The following LRCH2 variants were observed in gnomAD, a reference collection of about 807,000 sequenced individuals.
The protein encoded by LRCH2 is leucine rich repeats and calponin homology domain containing 2.
LRCH2 carries 38 observed loss-of-function variants against 68.9 expected under a neutral mutation model. The observed-to-expected ratio is 0.55, with a 90% CI of 0.43 to 0.72. The LOEUF (loss-of-function observed/expected upper bound fraction) is 0.72. Among genes scored for constraint, LRCH2 ranks in the 30% least tolerant of loss-of-function variants. The pLI is 0.00. For synonymous variants in LRCH2, 191 were observed against 208.1 expected (o/e 0.92, Z 0.71); for missense variants, 528 against 572.9 (o/e 0.92, Z 0.80).
At chrX:115,179,805 T>TTA (rs1224828437) in intron 3 of LRCH2, 54 bp from the exon 4 acceptor site, 71 of 499,505 alleles carry the variant, frequency 1.4e-4, no homozygotes, top group East Asian at 2.3e-4. Flanking sequence ...AATACATATA[T>TTA]TATATATATA....
chrX:115,187,426 A>G (rs1179992502), intron 2 of LRCH2, among the ~76,000 whole-genome samples: 1 of 112,175 alleles, frequency 8.9e-6, no homozygotes, highest in Non-Finnish European at 1.9e-5. Context: ...TTTTTCTTAT[A>G]CTTACTGAGT....
At chrX:115,219,037 C>T (rs1339378022) in intron 1 of LRCH2, among the ~76,000 whole-genome samples, 1 of 111,752 alleles carries the variant, frequency 8.9e-6, no homozygotes, top group Non-Finnish European at 1.9e-5. Flanking sequence ...TGTTAAGATA[C>T]CTTAGTACCT....
intron 14 of LRCH2, among the ~76,000 whole-genome samples, chrX:115,143,375 C>T (rs1556534973): frequency 9.0e-6 from 1 of 111,128 alleles, no homozygotes; most frequent in Non-Finnish European, 1.9e-5. Context: ...AAATTGGAAA[C>T]TCTAGAGGAG....
chrX:115,142,872 G>A (rs782353002), intron 14 of LRCH2, among the ~76,000 whole-genome samples: 1 of 111,558 alleles, frequency 9.0e-6, no homozygotes, highest in South Asian at 3.7e-4. Context: ...GCGTGAGGTG[G>A]GCAGATCGCT....
At chrX:115,205,703 C>T (rs2072961360) in intron 1 of LRCH2, among the ~76,000 whole-genome samples, 1 of 111,512 alleles carries the variant, frequency 9.0e-6, no homozygotes, top group South Asian at 3.8e-4. Flanking sequence ...CTTTGGGAGG[C>T]CGAGGCAGGT....
intron 1 of LRCH2, among the ~76,000 whole-genome samples, chrX:115,200,668 C>A (rs1330908117): frequency 9.1e-6 from 1 of 109,369 alleles, no homozygotes; most frequent in Non-Finnish European, 1.9e-5. Flanking sequence ...AAGACAAGCT[C>A]AGGGATTGTT....
rs782183766 is a variant in LRCH2 at position 115,190,562 on chromosome X, G to C, written c.350-2192C>G. On this transcript the variant is annotated intron_variant, in intron 1 of 20. Coordinates refer to ENST00000317135, the MANE Select transcript of LRCH2 (RefSeq NM_020871.4). The stretch of plus-strand genomic sequence containing the variant: ...TATAGTGGGGGCCGCAGCAGTTCCA[G>C]TAACGGTTACAGCCGGAGTGACCGC... 3.5e-6 allele frequency: 4 copies of C among 1,151,840 alleles called. No homozygotes were observed. The Admixed American group carries it at 8.0e-5, about 23-fold the overall frequency. The allele number at this position is 1,151,840 out of a possible 1,213,427, so 94.9% of individuals were successfully genotyped here. A position where few individuals can be genotyped will look rare whatever the true frequency, so the allele number is the denominator to read the frequency against.
At chrX:115,138,487 G>A (rs1019231492) in intron 14 of LRCH2, among the ~76,000 whole-genome samples, 3 of 111,381 alleles carry the variant, frequency 2.7e-5, no homozygotes, top group Non-Finnish European at 5.6e-5. Flanking sequence ...CTTTTCTCTT[G>A]TTAATCCATC....
chrX:115,193,149 C>T (rs2147335322), intron 1 of LRCH2, among the ~76,000 whole-genome samples: 1 of 110,721 alleles, frequency 9.0e-6, no homozygotes, highest in East Asian at 2.8e-4. Context: ...GCAACAACAA[C>T]AACAAAAATG....
chrX:115,120,819 C>T (rs1424511298), intron 20 of LRCH2, among the ~76,000 whole-genome samples: 13 of 107,913 alleles, frequency 1.2e-4, no homozygotes, highest in South Asian at 8.2e-4. Flanking sequence ...GGCACATATA[C>T]GCCATGGAAT....
In LRCH2 at chrX:115,169,226, G is replaced by A. The variant is rs2072587128; in HGVS notation, c.998+1073C>T. On this transcript the variant is annotated intron_variant, in intron 6 of 20. Transcript: ENST00000317135. ...ACTGACTCCTGCTCCACTACATTGT[G>A]AGCACCAAGAGGCCAAGACCAACAT... Among the ~76,000 whole-genome samples, 11 of 111,642 alleles carry A rather than the reference G, an allele frequency of 9.9e-5. No homozygotes were observed. The Admixed American group carries it at 1.1e-3, about 11-fold the overall frequency.
intron 1 of LRCH2, among the ~76,000 whole-genome samples, chrX:115,233,175 C>A (rs2073163963): frequency 8.9e-6 from 1 of 111,916 alleles, no homozygotes; most frequent in Non-Finnish European, 1.9e-5. Flanking sequence ...TAAAGGCATA[C>A]GTGACAAGAA....
chrX:115,192,217 G>A (rs781783386), intron 1 of LRCH2: 15 of 1,160,519 alleles, frequency 1.3e-5, no homozygotes, highest in African/African-American at 5.5e-5. Context: ...TGCCTACGGC[G>A]GGGGCCGCGG....
At chrX:115,116,989 C>A (rs2072088428) in intron 20 of LRCH2, among the ~76,000 whole-genome samples, 1 of 110,867 alleles carries the variant, frequency 9.0e-6, no homozygotes, top group Non-Finnish European at 1.9e-5. Context: ...AAGGACAAGC[C>A]AAAGATTTGG....
In LRCH2 at chrX:115,113,319, G is replaced by A; in HGVS notation, c.2195C>T (p.Pro732Leu). 1 of 1,185,432 alleles carries A rather than the reference G, an allele frequency of 8.4e-7. No homozygotes were observed. Among genetic ancestry groups the A allele is most frequent in the Non-Finnish European group, 1.1e-6 (1 of 880,688 alleles). ...TCCTCGTTCTTCCAAAATATGATGA[G>A]GCAAACAAAGTCTTTCCTGGAGAAA... ...LGVSQERLCL[P>L]HHILEERGLV... The change falls in exon 21 of 21, where the codon CCT becomes CTT. Residue 732 changes from proline (P) to leucine (L), a missense_variant. Pro to Leu is a moderately conservative substitution (Grantham distance 98, BLOSUM62 -3). Coordinates refer to ENST00000317135, the MANE Select transcript of LRCH2 (RefSeq NM_020871.4).
chrX:115,176,121 T>A (rs1040995479), intron 5 of LRCH2, among the ~76,000 whole-genome samples: 3 of 112,366 alleles, frequency 2.7e-5, no homozygotes, highest in Non-Finnish European at 5.6e-5. Flanking sequence ...AAGTATTCTG[T>A]ATTGAGAATT....
At position 115,110,964 on chromosome X, in the gene LRCH2, C is replaced by G. The variant is rs1238418774; in HGVS notation, c.*2252G>C. On this transcript the variant is annotated 3_prime_UTR_variant, in exon 21 of 21. Coordinates refer to ENST00000317135, the MANE Select transcript of LRCH2 (RefSeq NM_020871.4). Reference sequence around the variant, plus strand: ...TTCAACTGTCATTAAATCACAAATCCCACTCAAGTAATGAAAATCATTCTT... The same window carrying G: ...TTCAACTGTCATTAAATCACAAATCGCACTCAAGTAATGAAAATCATTCTT... The G allele has an allele frequency of 9.0e-6, 1 of 111,104 alleles. No individual in the cohort carries two copies. The highest frequency in any genetic ancestry group is 2.8e-4 in the East Asian group (1 of 3,547). 9.2% of individuals were successfully genotyped at this position (111,104 alleles called of 1,213,427 possible).
chrX:115,152,364 C>T (rs2072438606), intron 12 of LRCH2, among the ~76,000 whole-genome samples: 1 of 111,907 alleles, frequency 8.9e-6, no homozygotes, highest in Non-Finnish European at 1.9e-5. Context: ...ATGTAAAGTA[C>T]ACAATGTCTG....
chrX:115,156,956 G>C (rs981834622), intron 11 of LRCH2, among the ~76,000 whole-genome samples: 1 of 111,252 alleles, frequency 9.0e-6, no homozygotes, highest in Non-Finnish European at 1.9e-5. Flanking sequence ...TGAGATAGAA[G>C]ATAAAGAGAT....
Sources: gnomAD v4.1 joint callset for allele counts (sites outside exome capture counted in the v4.1 genomes callset) on GRCh38, gnomAD v4.1.1 for gene constraint, MANE v1.5 for transcripts, NCBI Gene and HGNC (gene_info 2026-07-23, HGNC 2026-07-21) for gene names.